Variants in RBFOX1 observed in about 807,000 individuals in gnomAD.
RBFOX1 encodes RNA binding protein fox-1 homolog 1.
A neutral mutation model predicts 57.7 loss-of-function variants in RBFOX1; 8 were observed. That is an observed-to-expected ratio of 0.14 (90% confidence interval 0.08 to 0.25). The LOEUF (loss-of-function observed/expected upper bound fraction) is 0.25. Ranked by LOEUF, RBFOX1 falls within the 10% of genes least tolerant of loss-of-function variation. The pLI is 1.00. For synonymous variants in RBFOX1, 326 were observed against 222.4 expected (o/e 1.47, Z -4.15); for missense variants, 611 against 548.5 (o/e 1.11, Z -1.14).
intron 3 of RBFOX1, among the ~76,000 whole-genome samples, chr16:6,912,659 A>T (rs951794362): frequency 6.7e-6 from 1 of 150,192 alleles, no homozygotes; most frequent in African/African-American, 2.5e-5. Flanking sequence ...TGTGTCATCC[A>T]GGCTGGAGTA....
At chr16:5,921,375 C>A (rs767087207) in intron 4 of RBFOX1, among the ~76,000 whole-genome samples, 1 of 152,062 alleles carries the variant, frequency 6.6e-6, no homozygotes, top group Non-Finnish European at 1.5e-5. Flanking sequence ...ACTTAAGATG[C>A]AAGGTGGAAT....
At chr16:6,686,329 G>A (rs1352665045) in intron 3 of RBFOX1, among the ~76,000 whole-genome samples, 2 of 152,178 alleles carry the variant, frequency 1.3e-5, no homozygotes, top group Non-Finnish European at 2.9e-5. Context: ...CTTAGTCTGA[G>A]CCCTCGCCCC....
intron 3 of RBFOX1, among the ~76,000 whole-genome samples, chr16:6,812,564 A>T (rs2088977060): frequency 6.6e-6 from 1 of 151,908 alleles, no homozygotes; most frequent in Non-Finnish European, 1.5e-5. Context: ...TTTATTAGAG[A>T]CAGGGTTTCA....
intron 4 of RBFOX1, among the ~76,000 whole-genome samples, chr16:7,507,613 G>C (rs1304925487): frequency 1.4e-5 from 2 of 141,128 alleles, no homozygotes; most frequent in Non-Finnish European, 3.0e-5. Flanking sequence ...ACCCAGGCTG[G>C]AGTGCAGTGG....
chr16:5,833,028 G>A (rs2056332604), intron 3 of RBFOX1, among the ~76,000 whole-genome samples: 1 of 152,114 alleles, frequency 6.6e-6, no homozygotes, highest in African/African-American at 2.4e-5. Context: ...AAAATGCATA[G>A]GCACAATTTT....
At chr16:6,991,684 G>C (rs1405137198) in intron 3 of RBFOX1, among the ~76,000 whole-genome samples, 1 of 152,096 alleles carries the variant, frequency 6.6e-6, no homozygotes, top group African/African-American at 2.4e-5. Context: ...CCACAGGCTT[G>C]TGCTGCCATT....
intron 3 of RBFOX1, among the ~76,000 whole-genome samples, chr16:6,826,756 A>G (rs763650930): frequency 6.6e-6 from 1 of 151,978 alleles, no homozygotes; most frequent in East Asian, 1.9e-4. Flanking sequence ...TATCATATTG[A>G]CTCTGAATTT....
chr16:7,121,542 A>G (rs1279463302), intron 4 of RBFOX1, among the ~76,000 whole-genome samples: 1 of 152,086 alleles, frequency 6.6e-6, no homozygotes, highest in African/African-American at 2.4e-5. Flanking sequence ...TGAAAACTAT[A>G]AAGTATTTGT....
chr16:7,393,418 C>T (rs1003608752), intron 4 of RBFOX1, among the ~76,000 whole-genome samples: 2 of 152,164 alleles, frequency 1.3e-5, no homozygotes, highest in Non-Finnish European at 2.9e-5. Flanking sequence ...TATAATATTA[C>T]ACTCAAGTAC....
chr16:5,388,550 G>A (rs1284293709), intron 1 of RBFOX1, among the ~76,000 whole-genome samples: 1 of 152,028 alleles, frequency 6.6e-6, no homozygotes, highest in Non-Finnish European at 1.5e-5. Context: ...ACTTTAAGGA[G>A]TGTGTGTTTC....
chr16:7,159,749 C>T (rs1168181645), intron 4 of RBFOX1, among the ~76,000 whole-genome samples: 1 of 152,164 alleles, frequency 6.6e-6, no homozygotes, highest in East Asian at 1.9e-4. Flanking sequence ...CCAGAAATTT[C>T]TGTCTTTCCT....
intron 1 of RBFOX1, among the ~76,000 whole-genome samples, chr16:5,404,453 T>G (rs489923): frequency 6.6e-6 from 1 of 152,086 alleles, no homozygotes; most frequent in Non-Finnish European, 1.5e-5. Context: ...TAGAGAAAGT[T>G]TCTCCCGATC....
intron 3 of RBFOX1, among the ~76,000 whole-genome samples, chr16:5,744,461 C>G (rs1270344414): frequency 1.1e-4 from 17 of 152,176 alleles, no homozygotes; most frequent in Non-Finnish European, 2.4e-4. Context: ...CACCCCCCAT[C>G]GATGCTGGAC....
chr16:6,585,797 C>G (rs1156390807), intron 2 of RBFOX1, among the ~76,000 whole-genome samples: 2 of 152,080 alleles, frequency 1.3e-5, no homozygotes, highest in African/African-American at 4.8e-5. Flanking sequence ...TTCTTTCTTT[C>G]TCTCCTCTTT....
At position 6,152,601 on chromosome 16, in the gene RBFOX1, T is replaced by C. The variant is rs570933114; in HGVS notation, c.-127+132609T>C. 5.9e-5 allele frequency among the ~76,000 whole-genome samples: 9 copies of C among 152,338 alleles called. No individual in the cohort carries two copies. In the South Asian group the frequency reaches 1.7e-3, roughly 28 times the overall value. On this transcript the variant is annotated intron_variant, in intron 1 of 15. Coordinates refer to ENST00000550418, the MANE Select transcript of RBFOX1 (RefSeq NM_018723.4). ...AGAAATTGTTCCCTGTGGCAGGTCA[T>C]GAATCTAATTACACTAGAAATATTA...
chr16:5,748,340 A>G (rs1322207203), intron 3 of RBFOX1, among the ~76,000 whole-genome samples: 1 of 152,176 alleles, frequency 6.6e-6, no homozygotes, highest in Non-Finnish European at 1.5e-5. Context: ...GCTGAGAAGA[A>G]TGTATATTCT....
intron 2 of RBFOX1, among the ~76,000 whole-genome samples, chr16:6,617,858 A>G (rs115204248): frequency 2.6e-5 from 4 of 152,322 alleles, no homozygotes; most frequent in African/African-American, 4.8e-5. Flanking sequence ...GTGAGTTTCA[A>G]TAAGGATGGA....
intron 2 of RBFOX1, among the ~76,000 whole-genome samples, chr16:6,644,025 C>G (rs1420449000): frequency 6.6e-6 from 1 of 152,122 alleles, no homozygotes; most frequent in South Asian, 2.1e-4. Context: ...ACTAGGTAGG[C>G]TGAGGCAGGA....
intron 4 of RBFOX1, among the ~76,000 whole-genome samples, chr16:7,114,192 T>C (rs375591904): frequency 6.6e-6 from 1 of 152,156 alleles, no homozygotes; most frequent in Non-Finnish European, 1.5e-5. Flanking sequence ...GATCAGTCTT[T>C]ACGTGGAGGT....
Sources: allele counts gnomAD v4.1 joint callset (sites outside exome capture counted in the v4.1 genomes callset), GRCh38; gene constraint gnomAD v4.1.1; transcripts MANE v1.5; gene names NCBI Gene and HGNC (gene_info 2026-07-23, HGNC 2026-07-21).